The following GPR158 variants were observed in gnomAD, a reference collection of about 807,000 sequenced individuals.
The protein encoded by GPR158 is G protein-coupled receptor 158.
A neutral mutation model predicts 78.2 loss-of-function variants in GPR158; 30 were observed. The ratio of observed to expected loss-of-function variants is 0.38; its 90% CI spans 0.29 to 0.52. The LOEUF is 0.52. Ranked by LOEUF, GPR158 falls within the 20% of genes least tolerant of loss-of-function variation. The pLI is 0.83. For missense variants in GPR158, 1,463 were observed against 1,523.5 expected (o/e 0.96, Z 0.66); for synonymous variants, 581 against 591.1 (o/e 0.98, Z 0.25).
intron 2 of GPR158, among the ~76,000 whole-genome samples, chr10:25,352,949 G>A (rs1341375467): frequency 6.6e-6 from 1 of 151,868 alleles, no homozygotes; most frequent in Admixed American, 6.6e-5. Flanking sequence ...TAAAATAAAT[G>A]ACATATGCAG....
intron 2 of GPR158, among the ~76,000 whole-genome samples, chr10:25,271,788 T>G (rs1233397610): frequency 6.6e-6 from 1 of 150,732 alleles, no homozygotes; most frequent in Non-Finnish European, 1.5e-5. Flanking sequence ...CAGTCTCCCG[T>G]GTATCACGCT....
At chr10:25,274,773 T>C (rs1185160889) in intron 2 of GPR158, among the ~76,000 whole-genome samples, 3 of 152,200 alleles carry the variant, frequency 2.0e-5, no homozygotes, top group Non-Finnish European at 1.5e-5. Flanking sequence ...TTAAAAAAAG[T>C]TAACTGAACT....
intron 2 of GPR158, among the ~76,000 whole-genome samples, chr10:25,231,555 G>T (rs1477786701): frequency 2.6e-5 from 4 of 152,064 alleles, no homozygotes; most frequent in Non-Finnish European, 5.9e-5. Flanking sequence ...TAGGACCTTT[G>T]AAATATTTGA....
At chr10:25,263,272 C>T (rs575533219) in intron 2 of GPR158, among the ~76,000 whole-genome samples, 32 of 152,224 alleles carry the variant, frequency 2.1e-4, no homozygotes, top group African/African-American at 7.5e-4. Context: ...TTCCCAGCAC[C>T]GTTTTTTGAA....
At chr10:25,267,040 G>T (rs183509466) in intron 2 of GPR158, among the ~76,000 whole-genome samples, 1 of 152,112 alleles carries the variant, frequency 6.6e-6, no homozygotes, top group East Asian at 1.9e-4. Flanking sequence ...GCTGAGTTTT[G>T]TCTTTCTGCC....
At chr10:25,378,320 A>C (rs781234394) in intron 2 of GPR158, among the ~76,000 whole-genome samples, 1 of 152,048 alleles carries the variant, frequency 6.6e-6, no homozygotes, top group Non-Finnish European at 1.5e-5. Flanking sequence ...ATGTAACCAT[A>C]TTTCATATAA....
intron 4 of GPR158, among the ~76,000 whole-genome samples, chr10:25,441,062 A>C (rs1217796360): frequency 6.6e-6 from 1 of 152,096 alleles, no homozygotes; most frequent in Non-Finnish European, 1.5e-5. Context: ...AAAGGCTATA[A>C]CCCTTGTGGG....
chr10:25,370,729 C>G (rs563082654), intron 2 of GPR158, among the ~76,000 whole-genome samples: 1 of 151,028 alleles, frequency 6.6e-6, no homozygotes, highest in Non-Finnish European at 1.5e-5. Context: ...TCCTTGTTAA[C>G]TTTCTGTCTC....
At chr10:25,320,331 G>A (rs573446648) in intron 2 of GPR158, among the ~76,000 whole-genome samples, 4 of 152,150 alleles carry the variant, frequency 2.6e-5, no homozygotes, top group Non-Finnish European at 5.9e-5. Context: ...AATGGTGTTA[G>A]AAATCTTTAA....
chr10:25,211,365 G>A (rs1853127832), intron 1 of GPR158, among the ~76,000 whole-genome samples: 1 of 152,172 alleles, frequency 6.6e-6, no homozygotes, highest in Non-Finnish European at 1.5e-5. Flanking sequence ...CCGGAGGCCA[G>A]GAAGTCCATT....
intron 2 of GPR158, among the ~76,000 whole-genome samples, chr10:25,386,229 A>G (rs1773615): frequency 0.81 from 123,849 of 152,154 alleles, 51,436 homozygotes; most frequent in Non-Finnish European, 0.87. Context: ...TCCTCACTGA[A>G]TTGTTGAAGA....
At chr10:25,361,369 G>A (rs1245634652) in intron 2 of GPR158, among the ~76,000 whole-genome samples, 1 of 151,690 alleles carries the variant, frequency 6.6e-6, no homozygotes, top group East Asian at 2.0e-4. Flanking sequence ...ACACCCCTTG[G>A]TATTGTATAT....
chr10:25,434,834 C>G (rs996938679), intron 4 of GPR158, among the ~76,000 whole-genome samples: 4 of 152,100 alleles, frequency 2.6e-5, no homozygotes, highest in Admixed American at 2.6e-4. Flanking sequence ...ACCTAGTCTC[C>G]TAGGGTTGTG....
At chr10:25,432,687 A>G (rs1335253013) in intron 4 of GPR158, among the ~76,000 whole-genome samples, 1 of 152,158 alleles carries the variant, frequency 6.6e-6, no homozygotes, top group Non-Finnish European at 1.5e-5. Context: ...TTATGTCCTA[A>G]GCACCAGGCT....
At chr10:25,330,134 C>T (rs149996588) in intron 2 of GPR158, among the ~76,000 whole-genome samples, 23 of 152,100 alleles carry the variant, frequency 1.5e-4, no homozygotes, top group Middle Eastern at 3.4e-3. Flanking sequence ...ATCTAGCTTA[C>T]CTCTTACATA....
chr10:25,402,065 A>C (rs1834454556), intron 3 of GPR158, among the ~76,000 whole-genome samples: 1 of 152,134 alleles, frequency 6.6e-6, no homozygotes, highest in Admixed American at 6.6e-5. Context: ...CACCTTCCCA[A>C]GTAATTAATC....
intron 7 of GPR158, among the ~76,000 whole-genome samples, chr10:25,577,363 G>A (rs552783630): frequency 9.9e-5 from 15 of 152,266 alleles, no homozygotes; most frequent in East Asian, 3.9e-4. Context: ...AGGCTTAACC[G>A]TGAGGGTGGT....
chr10:25,395,969 C>T lies in GPR158; in HGVS notation c.1067C>T (p.Ala356Val). The T allele has an allele frequency of 6.2e-7, 1 of 1,609,690 alleles. No individual in the cohort carries two copies. The highest frequency in any genetic ancestry group is 1.7e-4 in the Middle Eastern group (1 of 6,054). Reference sequence around the variant, plus strand: ...GGAGCCTATGAGTGCATTTGCAAAGCAGGATTCTATCATCCTGGAGTCTTA... The same window carrying T: ...GGAGCCTATGAGTGCATTTGCAAAGTAGGATTCTATCATCCTGGAGTCTTA... ...VLGAYECICK[A>V]GFYHPGVLPV... Residue 356 changes from alanine to valine, a missense_variant, in exon 3 of 11, where the codon GCA (alanine) becomes GTA (valine). Coordinates refer to ENST00000376351, the MANE Select transcript of GPR158 (RefSeq NM_020752.3).
rs115858003 is a variant in GPR158 at position 25,273,442 on chromosome 10, A to T, written c.1008+52285A>T. 4.3e-3 allele frequency among the ~76,000 whole-genome samples: 613 copies of T among 142,892 alleles called. 4 individuals are homozygous for T. The highest frequency in any genetic ancestry group is 0.014 in the African/African-American group (539 of 38,694). The allele number at this position is 142,892 out of a possible 152,430, so 93.7% of individuals were successfully genotyped here. A position where few individuals can be genotyped will look rare whatever the true frequency, so the allele number is the denominator to read the frequency against. On this transcript the variant is annotated intron_variant, in intron 2 of 10. Transcript: ENST00000376351. ...TTTGCACATATAACATGAAGTAAAG[A>T]TTTTTGGTTGTTTTCCCATTATGTG... is the stretch of plus-strand genomic sequence containing the variant.
Sources: allele counts gnomAD v4.1 joint callset (sites outside exome capture counted in the v4.1 genomes callset), GRCh38; gene constraint gnomAD v4.1.1; transcripts MANE v1.5; gene names NCBI Gene and HGNC (gene_info 2026-07-23, HGNC 2026-07-21).